Variants in PTPRT observed in about 807,000 individuals in gnomAD.
PTPRT encodes the protein protein tyrosine phosphatase receptor type T.
In PTPRT, 56 loss-of-function variants were observed where a neutral mutation model predicts 176.8. That is an observed-to-expected ratio of 0.32 (90% CI 0.26 to 0.40). The LOEUF (loss-of-function observed/expected upper bound fraction) is 0.40. Ranked by LOEUF, PTPRT falls within the 10% of genes least tolerant of loss-of-function variation. The pLI, the probability that PTPRT is intolerant of heterozygous loss-of-function variation, is 1.00. For synonymous variants in PTPRT, 783 were observed against 739.0 expected, an observed-to-expected ratio of 1.06 and a Z score of -0.96; for missense variants, 1,540 against 1,908.2, an observed-to-expected ratio of 0.81 and a Z score of 3.60.
At position 42,074,883 on chromosome 20, in the gene PTPRT, A is replaced by G; in HGVS notation, c.*5996T>C. 2.5e-6 allele frequency: 1 copy of G among 398,630 alleles called. No homozygotes were observed. Among genetic ancestry groups the G allele is most frequent in the Non-Finnish European group, 4.4e-6 (1 of 226,072 alleles). 24.7% of individuals were successfully genotyped at this position (398,630 alleles called of 1,614,324 possible). A position where few individuals can be genotyped will look rare whatever the true frequency, so the allele number is the denominator to read the frequency against. The stretch of plus-strand genomic sequence containing the variant: ...AAAGCCCATCCCTGGTTACTAAAAA[A>G]CTAGAAGAGTCTGCTCATGTGCACA... On this transcript the variant is annotated 3_prime_UTR_variant, in exon 31 of 31. Coordinates refer to ENST00000373187, the MANE Select transcript of PTPRT (RefSeq NM_007050.6).
At chr20:42,191,803 T>C (rs550363478) in intron 16 of PTPRT, among the ~76,000 whole-genome samples, 7 of 152,286 alleles carry the variant, frequency 4.6e-5, no homozygotes, top group South Asian at 2.1e-4. Flanking sequence ...TTTGGCTTAA[T>C]TGAAGAGAGA....
intron 1 of PTPRT, among the ~76,000 whole-genome samples, chr20:43,009,824 T>C (rs6065565): frequency 0.25 from 37,703 of 151,990 alleles, 5,073 homozygotes; most frequent in African/African-American, 0.34. Flanking sequence ...GGGTTCCTCA[T>C]ACTTCAGTAC....
chr20:42,046,625 C>A, the PTPRT span, among the ~76,000 whole-genome samples: 1 of 152,222 alleles, frequency 6.6e-6, no homozygotes, highest in Admixed American at 6.5e-5. Context: ...AGGCGCCCAT[C>A]AAGGGCCTGT....
chr20:42,109,166 C>A (rs1986795442), intron 23 of PTPRT, among the ~76,000 whole-genome samples: 1 of 150,746 alleles, frequency 6.6e-6, no homozygotes, highest in Non-Finnish European at 1.5e-5. Context: ...TAAATGGATG[C>A]TGTATGAGGA....
At chr20:42,259,045 C>T (rs1226004226) in intron 13 of PTPRT, among the ~76,000 whole-genome samples, 5 of 152,296 alleles carry the variant, frequency 3.3e-5, no homozygotes, top group East Asian at 3.9e-4. Context: ...TTTTCGGCCT[C>T]GAATGGAGGT....
chr20:42,158,152 T>A (rs911558756), intron 17 of PTPRT, among the ~76,000 whole-genome samples: 1 of 152,098 alleles, frequency 6.6e-6, no homozygotes, highest in Non-Finnish European at 1.5e-5. Context: ...AAATTTGGAG[T>A]GGTTTGTAAC....
chr20:42,362,065 A>G (rs1435257364), intron 9 of PTPRT, among the ~76,000 whole-genome samples: 1 of 152,194 alleles, frequency 6.6e-6, no homozygotes, highest in Non-Finnish European at 1.5e-5. Flanking sequence ...ATGGACATTC[A>G]GGCTGGGCAT....
chr20:42,503,492 AT>A (rs1370801332), intron 7 of PTPRT, among the ~76,000 whole-genome samples: 1 of 152,048 alleles, frequency 6.6e-6, no homozygotes, highest in African/African-American at 2.4e-5. Flanking sequence ...TAAAAGTAAA[AT>A]TTTTGCTTTT....
intron 2 of PTPRT, among the ~76,000 whole-genome samples, chr20:42,877,582 C>T (rs1047940305): frequency 6.6e-6 from 1 of 152,176 alleles, no homozygotes; most frequent in African/African-American, 2.4e-5. Context: ...GGGGTCGCAT[C>T]ATGAGAAAGT....
At chr20:42,549,212 A>G (rs765011579) in intron 7 of PTPRT, among the ~76,000 whole-genome samples, 3 of 152,160 alleles carry the variant, frequency 2.0e-5, no homozygotes, top group Admixed American at 6.5e-5. Context: ...AATGGATAAC[A>G]AAAGTGTAGA....
At chr20:42,722,216 G>T (rs998181791) in intron 6 of PTPRT, among the ~76,000 whole-genome samples, 7 of 151,956 alleles carry the variant, frequency 4.6e-5, no homozygotes, top group Admixed American at 2.6e-4. Flanking sequence ...GTGGGGTGGG[G>T]GGTGTCCAGA....
At chr20:42,921,186 G>C (rs1311532536) in intron 1 of PTPRT, among the ~76,000 whole-genome samples, 1 of 152,196 alleles carries the variant, frequency 6.6e-6, no homozygotes, top group African/African-American at 2.4e-5. Context: ...GATGGTACAA[G>C]AGCGATGGAA....
chr20:42,247,396 G>A (rs2056471235), intron 14 of PTPRT, among the ~76,000 whole-genome samples: 1 of 152,186 alleles, frequency 6.6e-6, no homozygotes, highest in Non-Finnish European at 1.5e-5. Context: ...TGCTGGAAAT[G>A]GGGATATTGC....
chr20:42,347,321 A>C (rs2058208740), intron 11 of PTPRT, among the ~76,000 whole-genome samples: 1 of 152,202 alleles, frequency 6.6e-6, no homozygotes, highest in Admixed American at 6.5e-5. Context: ...CTGGGATCAT[A>C]GAGTGTCCAT....
rs557760318 is a variant in PTPRT, at chr20:42,132,166, G to A, written c.2771-3336C>T. 5.3e-5 allele frequency among the ~76,000 whole-genome samples: 8 copies of A among 152,318 alleles called. 1 individual carries two copies. In the South Asian group the frequency reaches 1.7e-3, roughly 32 times the overall value. On this transcript the variant is annotated intron_variant, in intron 18 of 30. Coordinates refer to ENST00000373187, the MANE Select transcript of PTPRT (RefSeq NM_007050.6). ...TGTAACCAAAATTCATGCCTACACA[G>A]CTAACTTATGTCAAGTGAGATAAAC...
At chr20:42,640,746 G>A (rs777706891) in intron 7 of PTPRT, among the ~76,000 whole-genome samples, 1 of 152,050 alleles carries the variant, frequency 6.6e-6, no homozygotes, top group African/African-American at 2.4e-5. Context: ...TGAAATTAGT[G>A]GAAGACTTAA....
chr20:42,287,602 T>G lies in PTPRT; in HGVS notation c.2140-5077A>C, dbSNP rs529110068. On this transcript the variant is annotated intron_variant, in intron 12 of 30. Coordinates refer to ENST00000373187, the MANE Select transcript of PTPRT (RefSeq NM_007050.6). ...AGTGGAGAGAGAGAAAGGGAAAGAT[T>G]TGTTGAAGGATACAAGATTATACCT... Among the ~76,000 whole-genome samples, 37 of 151,762 alleles carry G rather than the reference T, an allele frequency of 2.4e-4. 1 individual carries two copies. Among genetic ancestry groups the G allele is most frequent in the Middle Eastern group, 3.4e-3 (1 of 294 alleles).
At chr20:42,481,834 T>C (rs1282568577) in intron 7 of PTPRT, among the ~76,000 whole-genome samples, 5 of 151,984 alleles carry the variant, frequency 3.3e-5, no homozygotes, top group African/African-American at 4.8e-5. Flanking sequence ...GGTTATCATA[T>C]GTTATTTTGA....
At chr20:42,133,908 G>A (rs1600568771) in intron 18 of PTPRT, among the ~76,000 whole-genome samples, 1 of 152,192 alleles carries the variant, frequency 6.6e-6, no homozygotes, top group African/African-American at 2.4e-5. Context: ...TGGTTTTGGG[G>A]CTGAATGTGA....
Sources: gnomAD v4.1 joint callset for allele counts (sites outside exome capture counted in the v4.1 genomes callset) on GRCh38, gnomAD v4.1.1 for gene constraint, MANE v1.5 for transcripts, NCBI Gene and HGNC (gene_info 2026-07-23, HGNC 2026-07-21) for gene names.